The following KANSL2 variants were observed in gnomAD, a reference collection of about 807,000 sequenced individuals.
KANSL2 encodes KAT8 regulatory NSL complex subunit 2.
In KANSL2, 34 loss-of-function variants were observed where a neutral mutation model predicts 55.6. The observed-to-expected ratio is 0.61, with a 90% CI of 0.46 to 0.81. The LOEUF (loss-of-function observed/expected upper bound fraction) is 0.81. KANSL2 is among the 40% of genes least tolerant of loss of function. The probability of loss-of-function intolerance (pLI) is 0.00; values close to 1 mark genes in which losing one functional copy is unlikely to be tolerated. For missense variants in KANSL2, 502 were observed against 609.9 expected (o/e 0.82, Z 1.86); for synonymous variants, 209 against 214.3 (o/e 0.98, Z 0.22).
At chr12:48,677,784 C>CAAAAAAA in intron 4 of KANSL2, among the ~76,000 whole-genome samples, 1 of 47,676 alleles carries the variant, frequency 2.1e-5, no homozygotes, top group Admixed American at 3.5e-4. Flanking sequence ...GACTCCATCT[C>CAAAAAAA]AAAAAAAAAA....
chr12:48,678,626 A>G (rs1465140036), intron 4 of KANSL2, among the ~76,000 whole-genome samples: 2 of 152,206 alleles, frequency 1.3e-5, no homozygotes, highest in East Asian at 3.8e-4. Flanking sequence ...AAAATTTATA[A>G]ATCCCATAAA....
intron 4 of KANSL2, among the ~76,000 whole-genome samples, chr12:48,678,802 C>T (rs944270834): frequency 1.3e-5 from 2 of 152,164 alleles, no homozygotes; most frequent in Non-Finnish European, 2.9e-5. Flanking sequence ...TATACTTTCT[C>T]ATACGTAGAA....
At chr12:48,675,075 T>C (rs922350643) in intron 4 of KANSL2, among the ~76,000 whole-genome samples, 13 of 150,548 alleles carry the variant, frequency 8.6e-5, no homozygotes, top group Non-Finnish European at 5.9e-5. Flanking sequence ...TAACAGACTA[T>C]CAGAAAATGT....
At chr12:48,680,740 G>A (rs897226540) in intron 2 of KANSL2, among the ~76,000 whole-genome samples, 1 of 152,128 alleles carries the variant, frequency 6.6e-6, no homozygotes, top group Non-Finnish European at 1.5e-5. Flanking sequence ...ACTCTGGGAG[G>A]CCGAGGCGGA....
chr12:48,678,747 A>G (rs191958597), intron 4 of KANSL2, among the ~76,000 whole-genome samples: 2 of 152,214 alleles, frequency 1.3e-5, no homozygotes, highest in Admixed American at 6.6e-5. Context: ...CCATTTCTCA[A>G]TCCACCTCCC....
chr12:48,678,042 G>A (rs1477178381), intron 4 of KANSL2, among the ~76,000 whole-genome samples: 1 of 152,090 alleles, frequency 6.6e-6, no homozygotes, highest in Non-Finnish European at 1.5e-5. Context: ...CAGAAGCTAA[G>A]CAGGGTCAGG....
intron 4 of KANSL2, among the ~76,000 whole-genome samples, chr12:48,673,023 T>C (rs543899326): frequency 3.9e-5 from 6 of 152,136 alleles, no homozygotes; most frequent in South Asian, 2.1e-4. Context: ...CCTCCCAAAG[T>C]GGTGGGATTA....
At chr12:48,672,405 A>ATATATATATATATATATATATT in intron 4 of KANSL2, among the ~76,000 whole-genome samples, 2 of 128,230 alleles carry the variant, frequency 1.6e-5, no homozygotes, top group Non-Finnish European at 3.2e-5. Flanking sequence ...ATATATATAT[A>ATATATATATATATATATATATT]TACGTATATA....
Position 48,679,239 on chromosome 12 carries a change from C to T in KANSL2, c.431-89G>A, listed in dbSNP as rs778154819. 32 of 872,142 alleles carry T rather than the reference C, an allele frequency of 3.7e-5. No homozygotes were observed. In the African/African-American group the frequency reaches 4.5e-4, roughly 12 times the overall value. 54.0% of individuals were successfully genotyped at this position (872,142 alleles called of 1,614,324 possible). A position where few individuals can be genotyped will look rare whatever the true frequency, so the allele number is the denominator to read the frequency against. ...CTAGATTACTTTTATCAACCCAAAC[C>T]TTGAAATTTTAAAAACAAAACAAAA... On this transcript the variant is annotated intron_variant, in intron 3 of 9. Transcript: ENST00000420613.
intron 6 of KANSL2, among the ~76,000 whole-genome samples, chr12:48,668,767 C>T (rs545421690): frequency 6.6e-6 from 1 of 152,164 alleles, no homozygotes; most frequent in Admixed American, 6.5e-5. Context: ...CATGAACAGG[C>T]ACGGTGGCTC....
intron 8 of KANSL2, among the ~76,000 whole-genome samples, chr12:48,657,252 C>T (rs1939402891): frequency 6.6e-6 from 1 of 151,978 alleles, no homozygotes; most frequent in Non-Finnish European, 1.5e-5. Context: ...TGGTGAAACC[C>T]CATCTCTACT....
At chr12:48,681,313 T>C (rs1291155004) in intron 2 of KANSL2, 69 bp downstream of exon 2, 6 of 1,513,180 alleles carry the variant, frequency 4.0e-6, no homozygotes, top group Non-Finnish European at 5.3e-6. Flanking sequence ...GCAGCTATGC[T>C]GAAGCCCGCA....
intron 4 of KANSL2, among the ~76,000 whole-genome samples, chr12:48,676,590 G>A (rs775092479): frequency 2.0e-5 from 3 of 152,022 alleles, no homozygotes; most frequent in Admixed American, 6.5e-5. Context: ...CCCGGGAGGC[G>A]GAGGTTGCAG....
chr12:48,671,045 C>T (rs192254763), intron 5 of KANSL2, among the ~76,000 whole-genome samples: 28 of 152,264 alleles, frequency 1.8e-4, no homozygotes, highest in Admixed American at 1.2e-3. Flanking sequence ...AGGGGGATCA[C>T]TTGAAGTCAG....
At chr12:48,655,227 A>G (rs531209624) in intron 8 of KANSL2, among the ~76,000 whole-genome samples, 167 bp from the exon 9 acceptor site, 2 of 152,342 alleles carry the variant, frequency 1.3e-5, no homozygotes, top group African/African-American at 4.8e-5. Flanking sequence ...AACAAGATCC[A>G]AAAGCACTGA....
At chr12:48,675,136 C>T (rs184103265) in intron 4 of KANSL2, among the ~76,000 whole-genome samples, 273 of 152,006 alleles carry the variant, frequency 1.8e-3, no homozygotes, top group Middle Eastern at 0.014. Flanking sequence ...TGGCTCAAGC[C>T]TGTAATTCTA....
At chr12:48,660,337 T>G in intron 8 of KANSL2, 29 bp downstream of exon 8, 1 of 1,611,984 alleles carries the variant, frequency 6.2e-7, no homozygotes, top group East Asian at 2.2e-5. Flanking sequence ...CTCAAGGGCC[T>G]GAACCAAAGC....
intron 4 of KANSL2, among the ~76,000 whole-genome samples, chr12:48,672,393 G>GTATATATATATATACGTATATA (rs1939733954): frequency 8.2e-6 from 1 of 121,360 alleles, no homozygotes; most frequent in Non-Finnish European, 1.7e-5. Flanking sequence ...ATATATACAT[G>GTATATATATATATACGTATATA]TATATATATA....
intron 5 of KANSL2, among the ~76,000 whole-genome samples, chr12:48,670,770 G>C (rs969544423): frequency 2.6e-5 from 4 of 151,744 alleles, no homozygotes; most frequent in Admixed American, 6.6e-5. Context: ...AGGAGTTCAA[G>C]ACTAACCTGG....
Sources: allele counts gnomAD v4.1 joint callset (sites outside exome capture counted in the v4.1 genomes callset), GRCh38; gene constraint gnomAD v4.1.1; transcripts MANE v1.5; gene names NCBI Gene and HGNC (gene_info 2026-07-23, HGNC 2026-07-21).